SLC9A5: variants seen among roughly 807,000 people sequenced by gnomAD.
SLC9A5 encodes the protein sodium/hydrogen exchanger 5.
A neutral mutation model predicts 91.7 loss-of-function variants in SLC9A5; 52 were observed. The ratio of observed to expected loss-of-function variants is 0.57; its 90% CI spans 0.45 to 0.71. The LOEUF (loss-of-function observed/expected upper bound fraction) is 0.71. Ranked by LOEUF, SLC9A5 falls within the 30% of genes least tolerant of loss-of-function variation. SLC9A5 has a pLI of 0.00. For missense variants in SLC9A5, 871 were observed against 1,158.9 expected (o/e 0.75, Z 3.61); for synonymous variants, 419 against 474.5 (o/e 0.88, Z 1.52).
chr16:67,257,164 G>A lies in SLC9A5; in HGVS notation c.1335+51G>A. 6.5e-7 allele frequency: 1 copy of A among 1,538,368 alleles called. No homozygotes were observed. ...GGGAGAGGGTTGGGCAGGCCCTGGGGGAGTCTTGGAGCCTGTGGGACAGGG... is the reference window on the plus strand; with the variant it reads ...GGGAGAGGGTTGGGCAGGCCCTGGGAGAGTCTTGGAGCCTGTGGGACAGGG... On this transcript the variant is annotated intron_variant, in intron 7 of 15. Coordinates refer to ENST00000299798, the MANE Select transcript of SLC9A5 (RefSeq NM_004594.3). The surrounding 1 kb of genome is among the most constrained non-coding windows in gnomAD (Gnocchi z 5.1).
chr16:67,266,011 A>C, intron 14 of SLC9A5, 77 bp from the exon 15 acceptor site: 1 of 1,568,794 alleles, frequency 6.4e-7, no homozygotes, highest in Non-Finnish European at 8.6e-7. Flanking sequence ...GGAGACAGGG[A>C]GCTGGCTTGG....
Position 67,255,573 on chromosome 16 carries a change from C to G in SLC9A5, c.733+102C>G, listed in dbSNP as rs1440953773. 1 of 1,345,164 alleles carries G rather than the reference C, an allele frequency of 7.4e-7. No homozygotes were observed. The highest frequency in any genetic ancestry group is 1.1e-6 in the Non-Finnish European group (1 of 946,480). 83.3% of individuals were successfully genotyped at this position (1,345,164 alleles called of 1,614,324 possible). A position where few individuals can be genotyped will look rare whatever the true frequency, so the allele number is the denominator to read the frequency against. ...AGGACAGAAGAGGCTATTCGGGTTG[C>G]CTCATCTCCTCTATAGAGAAATGGG... On this transcript the variant is annotated intron_variant, in intron 4 of 15. Coordinates refer to ENST00000299798, the MANE Select transcript of SLC9A5 (RefSeq NM_004594.3). The surrounding 1 kb of genome is among the most constrained non-coding windows in gnomAD (Gnocchi z 4.9).
At chr16:67,266,856 T>C (rs1160401023) in intron 15 of SLC9A5, among the ~76,000 whole-genome samples, 5 of 150,702 alleles carry the variant, frequency 3.3e-5, no homozygotes, top group Non-Finnish European at 7.4e-5. Context: ...TTTTCTTTTT[T>C]TTTTTTTTTT....
rs751394866 is a variant in SLC9A5 at position 67,271,207 on chromosome 16, G to A, written c.2688G>A (p.Leu896=). Residue 896 remains leucine, a synonymous_variant, in exon 16 of 16, where the codon CTG becomes CTA. Transcript: ENST00000299798. ...TCCAGTTCAACAGAGGCAGCCGGCT[G>A]TAGCTCAAGGCCTCGGGGAGGAGCA... is the stretch of plus-strand genomic sequence containing the variant. ...WCIQFNRGSR[L] 3.1e-6 allele frequency: 5 copies of A among 1,610,494 alleles called. No homozygotes were observed. The African/African-American group carries it at 6.7e-5, about 21-fold the overall frequency.
chr16:67,266,022 G>C (rs2035686842), intron 14 of SLC9A5, 66 bp from the exon 15 acceptor site: 1 of 1,592,696 alleles, frequency 6.3e-7, no homozygotes, highest in Non-Finnish European at 8.5e-7. Context: ...GCTGGCTTGG[G>C]GCTGTGTAGT....
Position 67,271,421 on chromosome 16 carries a change from C to A in SLC9A5, c.*211C>A. 3.4e-6 allele frequency: 2 copies of A among 593,562 alleles called. No homozygotes were observed. The highest frequency in any genetic ancestry group is 6.0e-6 in the Non-Finnish European group (2 of 332,722). 36.8% of individuals were successfully genotyped at this position (593,562 alleles called of 1,614,324 possible). ...CCCTGCTCCTAACCCCTGCCACTTT[C>A]TGTTTCATTAAGGCCTCTACTCTGG... On this transcript the variant is annotated 3_prime_UTR_variant, in exon 16 of 16. Coordinates refer to ENST00000299798, the MANE Select transcript of SLC9A5 (RefSeq NM_004594.3).
At position 67,258,903 on chromosome 16, in the gene SLC9A5, A is replaced by G. The variant is rs563160802; in HGVS notation, c.1626+456A>G. Among the ~76,000 whole-genome samples, 57 of 151,380 alleles carry G rather than the reference A, an allele frequency of 3.8e-4. No individual in the cohort carries two copies. The highest frequency in any genetic ancestry group is 1.4e-3 in the African/African-American group (57 of 40,998). On this transcript the variant is annotated intron_variant, in intron 10 of 15. Coordinates refer to ENST00000299798, the MANE Select transcript of SLC9A5 (RefSeq NM_004594.3). This position sits in a 1 kb window ranked among gnomAD's most constrained non-coding sequence, Gnocchi z 4.5. ...TCTACTAAAAATACAAAAACTAGCC[A>G]GGCATGGTGGTGCATGCCTGTAATC...
At position 67,269,796 on chromosome 16, in the gene SLC9A5, T is replaced by C. The variant is rs981695824; in HGVS notation, c.2219-942T>C. Among the ~76,000 whole-genome samples the C allele has an allele frequency of 9.2e-5, 14 of 152,304 alleles. No individual in the cohort carries two copies. In the East Asian group the frequency reaches 2.7e-3, roughly 29 times the overall value. On this transcript the variant is annotated intron_variant, in intron 15 of 15. Transcript: ENST00000299798. ...GGTTGGTGGCCAGAGGAATTCTCTT[T>C]CCAGGTTTCCTCCTTCAGAACCTCA...
At chr16:67,267,785 C>G (rs772849741) in intron 15 of SLC9A5, among the ~76,000 whole-genome samples, 1 of 152,152 alleles carries the variant, frequency 6.6e-6, no homozygotes, top group Non-Finnish European at 1.5e-5. Flanking sequence ...CCTCAAGTGT[C>G]TTTAAACATT....
intron 12 of SLC9A5, chr16:67,263,703 G>A (rs1703835909): frequency 6.6e-6 from 1 of 152,364 alleles, no homozygotes; most frequent in Non-Finnish European, 1.5e-5. Context: ...AGAATTGCTT[G>A]AACCCCAGAG....
Position 67,258,327 on chromosome 16 carries a change from G to A in SLC9A5, c.1506G>A (p.Gln502=). 1.2e-6 allele frequency: 2 copies of A among 1,613,964 alleles called. No homozygotes were observed. The highest frequency in any genetic ancestry group is 2.2e-5 in the South Asian group (2 of 91,092). Residue 502 remains glutamine, a synonymous_variant, in exon 10 of 16, where the codon CAG becomes CAA. Transcript: ENST00000299798. The surrounding 1 kb of genome is among the most constrained non-coding windows in gnomAD (Gnocchi z 4.5). ...CTGGCATCCTCTGTAGGTGGGAGCA[G>A]TTTGACAAGAAATACCTGAGTCAGC... is the stretch of plus-strand genomic sequence containing the variant. ...GYHYWRDRWE[Q]FDKKYLSQLL...
At position 67,256,623 on chromosome 16, in the gene SLC9A5, A is replaced by C; in HGVS notation, c.1066A>C (p.Lys356Gln). ...LLGISAVDSS[K>Q]WAWDSGLVLG... Reference sequence around the variant, plus strand: ...TGGCATCTCAGCCGTGGACTCTTCTAAGTGGGCCTGGGATTCTGGGCTGGT... The same window carrying C: ...TGGCATCTCAGCCGTGGACTCTTCTCAGTGGGCCTGGGATTCTGGGCTGGT... Residue 356 changes from lysine (K) to glutamine (Q), a missense_variant, in exon 6 of 16, where the codon AAG becomes CAG. Physicochemically the swap from Lys to Gln is moderately conservative, Grantham distance 53 (BLOSUM62 1). Around this residue, in one of 3 missense-constraint regions of SLC9A5, gnomAD observed 454 missense variants for 718.3 expected, o/e 0.63. Transcript: ENST00000299798. The surrounding 1 kb of genome is among the most constrained non-coding windows in gnomAD (Gnocchi z 4.1). The C allele has an allele frequency of 6.2e-7, 1 of 1,614,064 alleles. No individual in the cohort carries two copies. The highest frequency in any genetic ancestry group is 8.5e-7 in the Non-Finnish European group (1 of 1,180,006).
In SLC9A5 at chr16:67,252,807, C is replaced by G. The variant is rs759838964; in HGVS notation, c.453C>G (p.Gly151=). The change falls in exon 2 of 16, where the codon GGC becomes GGG. Residue 151 remains glycine, a synonymous_variant. Coordinates refer to ENST00000299798, the MANE Select transcript of SLC9A5 (RefSeq NM_004594.3). The surrounding 1 kb of genome is among the most constrained non-coding windows in gnomAD (Gnocchi z 4.0). ...CACTCTGGAATGCCTTCACAACAGG[C>G]GCTGCCCTCTGGGGCTTGCAGCAGG... ...VGTLWNAFTT[G]AALWGLQQAG... is the part of the protein sequence containing the mutation. The G allele has an allele frequency of 6.2e-7, 1 of 1,613,510 alleles. No homozygotes were observed.
Position 67,255,540 on chromosome 16 carries a change from C to G in SLC9A5, c.733+69C>G. ...CCCTGGGTTGCTGAGGCCCTCCCAC[C>G]CCGCATCAGGACAGAAGAGGCTATT... is the stretch of plus-strand genomic sequence containing the variant. On this transcript the variant is annotated intron_variant, in intron 4 of 15. Transcript: ENST00000299798. The surrounding 1 kb of genome is among the most constrained non-coding windows in gnomAD (Gnocchi z 4.9). The G allele has an allele frequency of 1.3e-6, 2 of 1,484,378 alleles. No individual in the cohort carries two copies. The highest frequency in any genetic ancestry group is 1.9e-6 in the Non-Finnish European group (2 of 1,062,734). The allele number at this position is 1,484,378 out of a possible 1,614,324, so 92.0% of individuals were successfully genotyped here.
In SLC9A5 at chr16:67,265,003, G is replaced by C. The variant is rs773781236; in HGVS notation, c.2014-37G>C. The C allele has an allele frequency of 3.1e-6, 5 of 1,610,542 alleles. No individual in the cohort carries two copies. The East Asian group carries it at 6.7e-5, about 22-fold the overall frequency. On this transcript the variant is annotated intron_variant, in intron 13 of 15. Transcript: ENST00000299798. ...GATGACAGGGTTGGGGTGGGAAGCC[G>C]GGGCCAGAGGCTCAGGTTTTCTTTC...
Position 67,257,029 on chromosome 16 carries a change from C to A in SLC9A5, c.1251C>A (p.Ile417=), listed in dbSNP as rs755225376. 2 of 1,613,750 alleles carry A rather than the reference C, an allele frequency of 1.2e-6. No individual in the cohort carries two copies. Among genetic ancestry groups the A allele is most frequent in the African/African-American group, 2.7e-5 (2 of 74,940 alleles). ...GGGCTGTGGCCTTTGCTCTCGTCAT[C>A]CTACTGGATAGGACCAAGGTCCCTG... The part of the protein sequence containing the change: ...LRGAVAFALV[I]LLDRTKVPAK... Residue 417 remains isoleucine, a synonymous_variant, in exon 7 of 16, where the codon ATC becomes ATA. Coordinates refer to ENST00000299798, the MANE Select transcript of SLC9A5 (RefSeq NM_004594.3). The surrounding 1 kb of genome is among the most constrained non-coding windows in gnomAD (Gnocchi z 5.1).
chr16:67,258,508 C>T lies in SLC9A5; in HGVS notation c.1626+61C>T. The T allele has an allele frequency of 1.3e-6, 2 of 1,598,534 alleles. No homozygotes were observed. Among genetic ancestry groups the T allele is most frequent in the Non-Finnish European group, 8.6e-7 (1 of 1,167,504 alleles). ...TGGGCAGATGGTCAGCAGAGCAGGA[C>T]AGAAAGGGGTGGCAAGCAGGCTGGC... On this transcript the variant is annotated intron_variant, in intron 10 of 15. Transcript: ENST00000299798. This position sits in a 1 kb window ranked among gnomAD's most constrained non-coding sequence, Gnocchi z 4.5.
In SLC9A5 at chr16:67,271,476, C is replaced by A; in HGVS notation, c.*266C>A. The A allele has an allele frequency of 2.0e-6, 1 of 502,058 alleles. No homozygotes were observed. Among genetic ancestry groups the A allele is most frequent in the Non-Finnish European group, 3.6e-6 (1 of 278,116 alleles). 31.1% of individuals were successfully genotyped at this position (502,058 alleles called of 1,614,324 possible). On this transcript the variant is annotated 3_prime_UTR_variant, in exon 16 of 16. Transcript: ENST00000299798. Reference sequence around the variant, plus strand: ...GGACCCAGTCCAGGCCTTCTACGGGCTAGGCCCAGAGACTTGGGTTGCTGG... The same window carrying A: ...GGACCCAGTCCAGGCCTTCTACGGGATAGGCCCAGAGACTTGGGTTGCTGG...
Position 67,270,446 on chromosome 16 carries a change from A to C in SLC9A5, c.2219-292A>C, listed in dbSNP as rs527670535. On this transcript the variant is annotated intron_variant, in intron 15 of 15. Transcript: ENST00000299798. This position sits in a 1 kb window ranked among gnomAD's most constrained non-coding sequence, Gnocchi z 4.3. The stretch of plus-strand genomic sequence containing the variant: ...GGTGATCCACCACCTTGGCCTCCCA[A>C]AGTGCTGGGATTACGGCATGAGCCA... Among the ~76,000 whole-genome samples the C allele has an allele frequency of 2.0e-5, 3 of 152,288 alleles. No individual in the cohort carries two copies. The highest frequency in any genetic ancestry group is 7.2e-5 in the African/African-American group (3 of 41,546).
Sources: allele counts gnomAD v4.1 joint callset (sites outside exome capture counted in the v4.1 genomes callset), GRCh38; gene constraint gnomAD v4.1.1; regional missense constraint gnomAD v4.1.1; non-coding constraint Gnocchi (gnomAD v3.1); transcripts MANE v1.5; gene names NCBI Gene and HGNC (gene_info 2026-07-23, HGNC 2026-07-21).